The following HPSE2 variants were observed in gnomAD, a reference collection of about 807,000 sequenced individuals.
The protein encoded by HPSE2 is heparanase 2 (inactive).
In HPSE2, 38 loss-of-function variants were observed where a neutral mutation model predicts 60.5. The ratio of observed to expected loss-of-function variants is 0.63; its 90% CI spans 0.48 to 0.82. The LOEUF (loss-of-function observed/expected upper bound fraction) is 0.82. Ranked by LOEUF, HPSE2 falls within the 40% of genes least tolerant of loss-of-function variation. The pLI, the probability that HPSE2 is intolerant of heterozygous loss-of-function variation, is 0.00. For synonymous variants in HPSE2, 295 were observed against 293.2 expected, an observed-to-expected ratio of 1.01 and a Z score of -0.06; for missense variants, 713 against 740.4, an observed-to-expected ratio of 0.96 and a Z score of 0.43.
intron 6 of HPSE2, among the ~76,000 whole-genome samples, chr10:98,688,373 G>A (rs183088271): frequency 1.3e-3 from 195 of 150,518 alleles, no homozygotes; most frequent in Non-Finnish European, 2.3e-3. Flanking sequence ...AGCCACAAAT[G>A]TACCATTTCC....
chr10:98,635,573 A>T (rs906479956), intron 7 of HPSE2, among the ~76,000 whole-genome samples: 6 of 151,906 alleles, frequency 3.9e-5, no homozygotes, highest in Non-Finnish European at 7.4e-5. Flanking sequence ...TTGAGACCAG[A>T]AGTTTGAGGC....
At chr10:99,109,308 G>A (rs1844367493) in intron 3 of HPSE2, among the ~76,000 whole-genome samples, 1 of 152,014 alleles carries the variant, frequency 6.6e-6, no homozygotes, top group African/African-American at 2.4e-5. Flanking sequence ...TACCTACAAT[G>A]TATCAGGGTA....
At chr10:98,913,007 C>T (rs902364226) in intron 3 of HPSE2, among the ~76,000 whole-genome samples, 1 of 152,200 alleles carries the variant, frequency 6.6e-6, no homozygotes, top group African/African-American at 2.4e-5. Context: ...GTGATTATTA[C>T]GCATTGCATG....
intron 3 of HPSE2, among the ~76,000 whole-genome samples, chr10:99,069,814 A>C (rs77620609): frequency 0.027 from 4,150 of 152,104 alleles, 189 homozygotes; most frequent in African/African-American, 0.094. Flanking sequence ...TTACACAGAC[A>C]ACCACTGTAA....
intron 9 of HPSE2, among the ~76,000 whole-genome samples, chr10:98,580,312 T>G (rs1431300301): frequency 6.6e-6 from 1 of 151,776 alleles, no homozygotes; most frequent in African/African-American, 2.4e-5. Context: ...CATATTCAGT[T>G]ATGGGATATT....
chr10:99,243,046 T>C, the HPSE2 span, among the ~76,000 whole-genome samples: 1 of 152,188 alleles, frequency 6.6e-6, no homozygotes, highest in Non-Finnish European at 1.5e-5. Context: ...TTTATCTTCA[T>C]AATTTGGGTA....
intron 3 of HPSE2, among the ~76,000 whole-genome samples, chr10:99,121,044 TAAAA>T (rs1378286395): frequency 8.5e-5 from 13 of 152,066 alleles, no homozygotes; most frequent in Admixed American, 7.2e-4. Context: ...AGCAAAAACA[TAAAA>T]TCAACCTAAA....
At chr10:99,280,121 A>G in the HPSE2 span, among the ~76,000 whole-genome samples, 1 of 152,230 alleles carries the variant, frequency 6.6e-6, no homozygotes, top group South Asian at 2.1e-4. Flanking sequence ...TCTCTGAATC[A>G]GAAGTTCTTC....
At chr10:99,112,958 CACACATAT>C (rs1311748518) in intron 3 of HPSE2, among the ~76,000 whole-genome samples, 2 of 109,092 alleles carry the variant, frequency 1.8e-5, no homozygotes, top group Non-Finnish European at 4.7e-5. Flanking sequence ...CATACACACA[CACACATAT>C]ACACATGCAT....
chr10:99,132,133 G>A (rs986242165), intron 3 of HPSE2, among the ~76,000 whole-genome samples: 1 of 91,182 alleles, frequency 1.1e-5, no homozygotes, highest in African/African-American at 3.7e-5. Context: ...AGAAAGAAAG[G>A]AAAGAAAGAA....
At chr10:98,731,812 A>G (rs1404696423) in intron 4 of HPSE2, among the ~76,000 whole-genome samples, 2 of 152,144 alleles carry the variant, frequency 1.3e-5, no homozygotes, top group African/African-American at 4.8e-5. Flanking sequence ...AAAGCATCCA[A>G]ATTGGAAAGA....
intron 3 of HPSE2, among the ~76,000 whole-genome samples, chr10:98,780,284 A>G (rs1950435437): frequency 6.6e-6 from 1 of 152,162 alleles, no homozygotes; most frequent in South Asian, 2.1e-4. Flanking sequence ...CAAAAGACAG[A>G]AGATCTCTAA....
chr10:98,544,448 C>T (rs539503851), intron 9 of HPSE2, among the ~76,000 whole-genome samples: 24 of 152,184 alleles, frequency 1.6e-4, no homozygotes, highest in East Asian at 1.5e-3. Flanking sequence ...CGGTGGCTCA[C>T]GCCTGTAATC....
At chr10:99,202,995 A>G (rs188842317) in intron 2 of HPSE2, among the ~76,000 whole-genome samples, 110 of 152,282 alleles carry the variant, frequency 7.2e-4, no homozygotes, top group Non-Finnish European at 1.4e-3. Context: ...CCTCCTCAGT[A>G]AAGTCCAGTG....
chr10:98,976,736 GAA>G (rs63223461), intron 3 of HPSE2, among the ~76,000 whole-genome samples: 4 of 137,986 alleles, frequency 2.9e-5, no homozygotes, highest in Non-Finnish European at 3.2e-5. Context: ...CGTGGTAAGC[GAA>G]AAAAAAAAAA....
At chr10:99,105,877 C>CT (rs1844226829) in intron 3 of HPSE2, among the ~76,000 whole-genome samples, 2 of 152,126 alleles carry the variant, frequency 1.3e-5, no homozygotes, top group South Asian at 4.1e-4. Flanking sequence ...GTTGAAAAGA[C>CT]TAGCTTTTCA....
intron 3 of HPSE2, among the ~76,000 whole-genome samples, chr10:98,920,322 A>T (rs1954245732): frequency 6.6e-6 from 1 of 151,952 alleles, no homozygotes; most frequent in South Asian, 2.1e-4. Context: ...TAGATATCAG[A>T]CCTGCATCAC....
At chr10:98,855,474 C>T (rs1056751571) in intron 3 of HPSE2, among the ~76,000 whole-genome samples, 9 of 152,046 alleles carry the variant, frequency 5.9e-5, no homozygotes, top group Admixed American at 2.0e-4. Flanking sequence ...TTTGTCCTCT[C>T]TTAACTTTAA....
intron 3 of HPSE2, among the ~76,000 whole-genome samples, chr10:99,023,072 C>T (rs912087582): frequency 3.3e-5 from 5 of 152,140 alleles, no homozygotes; most frequent in Non-Finnish European, 1.5e-5. Flanking sequence ...CAGGACTTGA[C>T]TCTTGGCCAT....
Sources: gnomAD v4.1 joint callset for allele counts (sites outside exome capture counted in the v4.1 genomes callset) on GRCh38, gnomAD v4.1.1 for gene constraint, MANE v1.5 for transcripts, NCBI Gene and HGNC (gene_info 2026-07-23, HGNC 2026-07-21) for gene names.